The following TMEM45A variants were observed in gnomAD, a reference collection of about 807,000 sequenced individuals.
TMEM45A encodes the protein DNA polymerase-transactivated protein 4.
Under a neutral mutation model 32.0 loss-of-function variants are expected in TMEM45A, and 25 were observed. The observed-to-expected ratio is 0.78, with a 90% CI of 0.57 to 1.09. The LOEUF (loss-of-function observed/expected upper bound fraction) is 1.09. Ranked by LOEUF, TMEM45A falls within the 50% of genes least tolerant of loss-of-function variation. TMEM45A has a pLI of 0.00. For synonymous variants in TMEM45A, 122 were observed against 114.8 expected (o/e 1.06, Z -0.40); for missense variants, 302 against 325.0 (o/e 0.93, Z 0.54).
At chr3:100,572,599 G>A (rs1182578758) in intron 5 of TMEM45A, 1 of 151,860 alleles carries the variant, frequency 6.6e-6, no homozygotes, top group Non-Finnish European at 1.5e-5. Context: ...AAGCTCTTTA[G>A]TTTAATTAGA....
intron 1 of TMEM45A, among the ~76,000 whole-genome samples, chr3:100,500,585 C>T (rs556506006): frequency 3.9e-5 from 6 of 152,378 alleles, no homozygotes; most frequent in African/African-American, 1.4e-4. Context: ...CAAGGACTCT[C>T]ACATTCGTCT....
chr3:100,560,973 A>G (rs1706320110), intron 4 of TMEM45A, among the ~76,000 whole-genome samples: 1 of 152,212 alleles, frequency 6.6e-6, no homozygotes, highest in African/African-American at 2.4e-5. Context: ...GTCTTTGGGC[A>G]TAAATCCGTG....
At chr3:100,510,197 C>T (rs1169813559) in intron 1 of TMEM45A, among the ~76,000 whole-genome samples, 3 of 152,250 alleles carry the variant, frequency 2.0e-5, no homozygotes, top group African/African-American at 7.2e-5. Flanking sequence ...CAGCAGTAAC[C>T]TTTGCAGACT....
chr3:100,540,589 C>T (rs779025837), intron 1 of TMEM45A, among the ~76,000 whole-genome samples: 3 of 152,104 alleles, frequency 2.0e-5, no homozygotes, highest in Non-Finnish European at 4.4e-5. Context: ...CATTGCTAGT[C>T]GGAATGCAAC....
At chr3:100,570,393 C>T (rs1345127111) in intron 5 of TMEM45A, among the ~76,000 whole-genome samples, 1 of 152,210 alleles carries the variant, frequency 6.6e-6, no homozygotes, top group East Asian at 1.9e-4. Flanking sequence ...AGAAATCATT[C>T]CTTTGTCTAG....
chr3:100,560,530 A>C (rs1442035821), intron 4 of TMEM45A, among the ~76,000 whole-genome samples: 3 of 151,730 alleles, frequency 2.0e-5, no homozygotes, highest in Non-Finnish European at 2.9e-5. Flanking sequence ...TTTTTTTCTT[A>C]TTATTTATTT....
intron 1 of TMEM45A, among the ~76,000 whole-genome samples, chr3:100,512,949 C>A (rs1216434794): frequency 6.6e-6 from 1 of 151,298 alleles, no homozygotes. Flanking sequence ...TCTGAATAGA[C>A]CAATAACAGG....
At chr3:100,493,974 T>A (rs1279815534) in intron 1 of TMEM45A, among the ~76,000 whole-genome samples, 1 of 152,174 alleles carries the variant, frequency 6.6e-6, no homozygotes, top group Non-Finnish European at 1.5e-5. Flanking sequence ...TCAGGTTATG[T>A]GCCTCCCTTG....
chr3:100,541,910 C>A (rs1329471862), intron 1 of TMEM45A, among the ~76,000 whole-genome samples: 5 of 152,062 alleles, frequency 3.3e-5, no homozygotes, highest in Non-Finnish European at 5.9e-5. Context: ...CCTTTTAAGT[C>A]CTTTCCCCTT....
chr3:100,559,955 A>G (rs923969416), intron 4 of TMEM45A, among the ~76,000 whole-genome samples: 1 of 152,230 alleles, frequency 6.6e-6, no homozygotes, highest in Non-Finnish European at 1.5e-5. Context: ...ACAGAAATGT[A>G]GAGCAAGAGT....
intron 1 of TMEM45A, among the ~76,000 whole-genome samples, chr3:100,535,703 T>A (rs1705728493): frequency 6.6e-6 from 1 of 152,200 alleles, no homozygotes; most frequent in Non-Finnish European, 1.5e-5. Context: ...ATATGCATAT[T>A]TAATACTAAG....
Position 100,528,291 on chromosome 3 carries a change from G to C in TMEM45A, c.-3-26918G>C, listed in dbSNP as rs117493189. 2.6e-5 allele frequency among the ~76,000 whole-genome samples: 4 copies of C among 152,286 alleles called. No homozygotes were observed. The East Asian group carries it at 7.7e-4, about 29-fold the overall frequency. ...TCTAAGTCTGTAAGGCTCTATATTT[G>C]GTTTTCCCAGGGATCCTTGTTCTCC... On this transcript the variant is annotated intron_variant, in intron 1 of 5. Transcript: ENST00000323523.
At chr3:100,523,633 T>A (rs1705478131) in intron 1 of TMEM45A, among the ~76,000 whole-genome samples, 2 of 152,052 alleles carry the variant, frequency 1.3e-5, no homozygotes, top group African/African-American at 4.8e-5. Flanking sequence ...CTTGAATCTT[T>A]TCTCCTCTTC....
chr3:100,537,993 T>C (rs1240637982), intron 1 of TMEM45A, among the ~76,000 whole-genome samples: 1 of 152,188 alleles, frequency 6.6e-6, no homozygotes, highest in Non-Finnish European at 1.5e-5. Flanking sequence ...TTGAAGCAGT[T>C]CATCAACACT....
intron 1 of TMEM45A, among the ~76,000 whole-genome samples, chr3:100,517,919 C>CT (rs1705332390): frequency 6.6e-6 from 1 of 152,206 alleles, no homozygotes; most frequent in South Asian, 2.1e-4. Context: ...ACAGGCCTCA[C>CT]TTTTGGGCTT....
At chr3:100,566,781 A>G (rs1014801575) in intron 4 of TMEM45A, among the ~76,000 whole-genome samples, 2 of 151,884 alleles carry the variant, frequency 1.3e-5, no homozygotes, top group African/African-American at 2.4e-5. Flanking sequence ...GTGCTTATTG[A>G]CCATTTGTAT....
chr3:100,508,429 A>C (rs1708108843), intron 1 of TMEM45A, among the ~76,000 whole-genome samples: 1 of 152,222 alleles, frequency 6.6e-6, no homozygotes, highest in African/African-American at 2.4e-5. Flanking sequence ...CAAAATACCA[A>C]TGACATTCTT....
chr3:100,519,658 G>A, intron 1 of TMEM45A: 2 of 1,525,946 alleles, frequency 1.3e-6, no homozygotes, highest in Non-Finnish European at 1.8e-6. Context: ...TGTGAAAAGA[G>A]CAAGAACTTT....
chr3:100,529,807 G>A (rs1171878237), intron 1 of TMEM45A, among the ~76,000 whole-genome samples: 3 of 151,940 alleles, frequency 2.0e-5, no homozygotes, highest in Admixed American at 1.3e-4. Context: ...TTGTACATAT[G>A]GGGTTTCATT....
Sources: gnomAD v4.1 joint callset for allele counts (sites outside exome capture counted in the v4.1 genomes callset) on GRCh38, gnomAD v4.1.1 for gene constraint, MANE v1.5 for transcripts, NCBI Gene and HGNC (gene_info 2026-07-23, HGNC 2026-07-21) for gene names.